PCDHA5: variants seen among roughly 807,000 people sequenced by gnomAD.
PCDHA5 encodes protocadherin alpha-5.
PCDHA5 carries 43 observed loss-of-function variants against 61.6 expected under a neutral mutation model. That is an observed-to-expected ratio of 0.70 (90% CI 0.55 to 0.90). The LOEUF (loss-of-function observed/expected upper bound fraction) is 0.90, where lower values mean the gene tolerates loss of function less well. Ranked by LOEUF, PCDHA5 falls within the 40% of genes least tolerant of loss-of-function variation. The pLI, the probability that PCDHA5 is intolerant of heterozygous loss-of-function variation, is 0.00. For missense variants in PCDHA5, 1,298 were observed against 1,222.7 expected, an observed-to-expected ratio of 1.06 and a Z score of -0.92; for synonymous variants, 627 against 543.9, an observed-to-expected ratio of 1.15 and a Z score of -2.13.
At chr5:140,830,320 C>T (rs2150184888) in intron 1 of PCDHA5, 13 of 1,613,872 alleles carry the variant, frequency 8.1e-6, no homozygotes, top group African/African-American at 2.7e-5. Flanking sequence ...TGTGCTCCAG[C>T]GCAGTGGGGA....
At chr5:140,941,506 G>A (rs556309408) in intron 1 of PCDHA5, among the ~76,000 whole-genome samples, 3 of 151,236 alleles carry the variant, frequency 2.0e-5, no homozygotes, top group Non-Finnish European at 4.4e-5. Flanking sequence ...TAGTAGAGAC[G>A]AGGTTTCACC....
At chr5:140,936,418 T>G (rs2090950050) in intron 1 of PCDHA5, among the ~76,000 whole-genome samples, 1 of 152,222 alleles carries the variant, frequency 6.6e-6, no homozygotes, top group African/African-American at 2.4e-5. Context: ...ATGTTACTAA[T>G]TTTAATTAAT....
Position 140,834,289 on chromosome 5 carries a change from T to C in PCDHA5, c.2352+10162T>C, listed in dbSNP as rs191856620. Reference sequence around the variant, plus strand: ...CTTTCACTCTTTGGATGCACAACAATGGCCACACATCGAGATTGAAATGAA... The same window carrying C: ...CTTTCACTCTTTGGATGCACAACAACGGCCACACATCGAGATTGAAATGAA... On this transcript the variant is annotated intron_variant, in intron 1 of 3. Coordinates refer to ENST00000529859, the MANE Select transcript of PCDHA5 (RefSeq NM_018908.3). 3.2e-4 allele frequency: 379 copies of C among 1,186,074 alleles called. 1 individual carries two copies. Among genetic ancestry groups the C allele is most frequent in the Non-Finnish European group, 1.5e-4 (124 of 833,276 alleles). The allele number at this position is 1,186,074 out of a possible 1,614,324, so 73.5% of individuals were successfully genotyped here.
chr5:140,858,135 T>G lies in PCDHA5; in HGVS notation c.2352+34008T>G, dbSNP rs1215623176. 3 of 1,597,334 alleles carry G rather than the reference T, an allele frequency of 1.9e-6. No homozygotes were observed. The African/African-American group carries it at 4.0e-5, about 21-fold the overall frequency. ...GAGGTGGCCCTGGTGGATGTCAACG[T>G]GTACCTGATCATCGCCATCTGCGCG... is the stretch of plus-strand genomic sequence containing the variant. On this transcript the variant is annotated intron_variant, in intron 1 of 3. Transcript: ENST00000529859.
Position 140,843,241 on chromosome 5 carries a change from G to A in PCDHA5, c.2352+19114G>A, listed in dbSNP as rs2150355764. ...GCACCACTCGTGTCCTGGACGAAGC[G>A]GACTCTCCGCGCCACCGTCTGCTGG... On this transcript the variant is annotated intron_variant, in intron 1 of 3. Transcript: ENST00000529859. 3.1e-6 allele frequency: 5 copies of A among 1,595,826 alleles called. 1 individual carries two copies. The highest frequency in any genetic ancestry group is 2.7e-5 in the African/African-American group (2 of 74,416).
chr5:140,911,405 C>T (rs565928237), intron 1 of PCDHA5, among the ~76,000 whole-genome samples: 45 of 152,276 alleles, frequency 3.0e-4, no homozygotes, highest in South Asian at 1.5e-3. Flanking sequence ...AGGTCAGCCA[C>T]TGGTATGATA....
chr5:140,835,834 C>G, intron 1 of PCDHA5: 2 of 1,612,284 alleles, frequency 1.2e-6, no homozygotes, highest in Non-Finnish European at 1.7e-6. Flanking sequence ...GACGCGGACG[C>G]GCAGAAGAAC....
chr5:140,882,199 G>A, intron 1 of PCDHA5: 1 of 1,526,968 alleles, frequency 6.5e-7, no homozygotes, highest in Non-Finnish European at 8.8e-7. Context: ...TAAAAATTGG[G>A]CCTTGAGAGA....
rs2150262864 is a variant in PCDHA5 at position 140,836,525 on chromosome 5, C to T, written c.2352+12398C>T. 6.2e-6 allele frequency: 10 copies of T among 1,613,836 alleles called. No homozygotes were observed. In the South Asian group the frequency reaches 1.1e-4, roughly 18 times the overall value. On this transcript the variant is annotated intron_variant, in intron 1 of 3. Coordinates refer to ENST00000529859, the MANE Select transcript of PCDHA5 (RefSeq NM_018908.3). ...CGGTGTCCAGTCTGTTGGTGCTTAC[C>T]CTGCTGCTGTACACGGCGTTGCGGT...
At chr5:140,918,510 A>G (rs1224635164) in intron 1 of PCDHA5, among the ~76,000 whole-genome samples, 1 of 152,144 alleles carries the variant, frequency 6.6e-6, no homozygotes, top group Non-Finnish European at 1.5e-5. Flanking sequence ...ATCCTTTTAA[A>G]CTTATTGAGG....
chr5:141,008,800 A>G (rs949324548), intron 3 of PCDHA5, among the ~76,000 whole-genome samples: 8 of 152,222 alleles, frequency 5.3e-5, no homozygotes, highest in Non-Finnish European at 1.2e-4. Flanking sequence ...TTATCTAAAC[A>G]AATAGGCTCA....
At chr5:141,007,522 C>T (rs1475001472) in intron 3 of PCDHA5, among the ~76,000 whole-genome samples, 1 of 151,940 alleles carries the variant, frequency 6.6e-6, no homozygotes, top group Non-Finnish European at 1.5e-5. Context: ...GAGCTGATAT[C>T]TCGCCACTGC....
In PCDHA5 at chr5:140,823,091, G is replaced by A. The variant is rs2150122158; in HGVS notation, c.1316G>A (p.Ser439Asn). Residue 439 changes from serine (S) to asparagine (N), a missense_variant, in exon 1 of 4, where the codon AGC (serine) becomes AAC (asparagine). Physicochemically the swap from Ser to Asn is conservative, Grantham distance 46. Transcript: ENST00000529859. ...TCGCCTTCGCTGTGGGCCACCGCCA[G>A]CGTGTCTGTGGAAGTGGCCGACGTG... ...GGSPSLWATA[S>N]VSVEVADVND... The A allele has an allele frequency of 5.0e-6, 8 of 1,614,038 alleles. No individual in the cohort carries two copies. The East Asian group carries it at 6.7e-5, about 13-fold the overall frequency.
intron 1 of PCDHA5, chr5:140,835,547 C>A: frequency 1.2e-6 from 2 of 1,613,960 alleles, no homozygotes; most frequent in Non-Finnish European, 1.7e-6. Context: ...TTACCTGCTC[C>A]CTGACGCCCC....
intron 1 of PCDHA5, chr5:140,969,064 C>G: frequency 6.2e-7 from 1 of 1,614,136 alleles, no homozygotes; most frequent in Non-Finnish European, 8.5e-7. Context: ...ATATTGATGC[C>G]AGGATACCGC....
rs748166275 is a variant in PCDHA5 at position 140,954,138 on chromosome 5, T to C, written c.2353-24811T>C. Among the ~76,000 whole-genome samples the C allele has an allele frequency of 5.9e-4, 90 of 152,260 alleles. 1 individual carries two copies. The highest frequency in any genetic ancestry group is 6.5e-4 in the Admixed American group (10 of 15,282). On this transcript the variant is annotated intron_variant, in intron 1 of 3. Coordinates refer to ENST00000529859, the MANE Select transcript of PCDHA5 (RefSeq NM_018908.3). The stretch of plus-strand genomic sequence containing the variant: ...CTTGTTCCTTTTTATGGATGCATAG[T>C]ATTCCATGGTGTATATGTACCACAT...
chr5:140,875,864 C>G (rs781972677), intron 1 of PCDHA5: 2 of 1,614,168 alleles, frequency 1.2e-6, no homozygotes, highest in South Asian at 1.1e-5. Context: ...GACAACCCGC[C>G]GGTGTTCAGA....
chr5:140,978,898 G>A (rs2096827765), intron 1 of PCDHA5, 51 bp from the exon 2 acceptor site: 1 of 1,612,868 alleles, frequency 6.2e-7, no homozygotes. Flanking sequence ...GCATTCCTGG[G>A]AGAACATTGT....
chr5:140,872,015 G>T (rs1322069149), intron 1 of PCDHA5, among the ~76,000 whole-genome samples: 3 of 152,208 alleles, frequency 2.0e-5, no homozygotes, highest in Non-Finnish European at 4.4e-5. Flanking sequence ...GTGACCTGTA[G>T]CCTGGAACTG....
Sources: allele counts gnomAD v4.1 joint callset (sites outside exome capture counted in the v4.1 genomes callset), GRCh38; gene constraint gnomAD v4.1.1; transcripts MANE v1.5; gene names NCBI Gene and HGNC (gene_info 2026-07-23, HGNC 2026-07-21).